Variants in ZNF804B observed in about 807,000 individuals in gnomAD.
ZNF804B encodes zinc finger 804B.
In ZNF804B, 80 loss-of-function variants were observed where a neutral mutation model predicts 101.4. The ratio of observed to expected loss-of-function variants is 0.79; its 90% CI spans 0.66 to 0.95. The LOEUF is 0.95. Among genes scored for constraint, ZNF804B ranks in the 40% least tolerant of loss-of-function variants. The pLI is 0.00. For synonymous variants in ZNF804B, 622 were observed against 558.8 expected, an observed-to-expected ratio of 1.11 and a Z score of -1.59; for missense variants, 1,673 against 1,561.9, an observed-to-expected ratio of 1.07 and a Z score of -1.20.
chr7:89,090,753 A>G (rs1312488039), intron 1 of ZNF804B, among the ~76,000 whole-genome samples: 1 of 152,040 alleles, frequency 6.6e-6, no homozygotes, highest in Non-Finnish European at 1.5e-5. Context: ...AAATACAAAA[A>G]TACTATTCTG....
At chr7:89,156,670 G>A (rs11978158) in intron 1 of ZNF804B, among the ~76,000 whole-genome samples, 25,669 of 151,892 alleles carry the variant, frequency 0.17, 2,239 homozygotes, top group Admixed American at 0.22. Flanking sequence ...ACTATCTCTG[G>A]AGCAATTTTT....
Position 89,335,590 on chromosome 7 carries a change from A to G in ZNF804B, c.2608A>G (p.Arg870Gly). 6.2e-7 allele frequency: 1 copy of G among 1,614,002 alleles called. No individual in the cohort carries two copies. The highest frequency in any genetic ancestry group is 8.5e-7 in the Non-Finnish European group (1 of 1,179,968). ...AATGTATTACTTGAATAAAAGCAAGAGAAATCAAGAGTCTTTGGGCAGCCC... is the reference window on the plus strand; with the variant it reads ...AATGTATTACTTGAATAAAAGCAAGGGAAATCAAGAGTCTTTGGGCAGCCC... ...EKMYYLNKSK[R>G]NQESLGSPHI... The change falls in exon 4 of 4, where the codon AGA becomes GGA. Residue 870 changes from arginine (R) to glycine (G), a missense_variant. Coordinates refer to ENST00000333190, the MANE Select transcript of ZNF804B (RefSeq NM_181646.5).
intron 2 of ZNF804B, among the ~76,000 whole-genome samples, chr7:89,267,725 C>G (rs1485269481): frequency 1.3e-5 from 2 of 152,048 alleles, no homozygotes; most frequent in East Asian, 3.9e-4. Flanking sequence ...GATGTTTTTG[C>G]TTTTTCATTT....
intron 2 of ZNF804B, among the ~76,000 whole-genome samples, chr7:89,230,504 G>A (rs1369406857): frequency 6.6e-6 from 1 of 152,134 alleles, no homozygotes; most frequent in East Asian, 1.9e-4. Flanking sequence ...ACACGATCCA[G>A]TTTCAAAAAG....
intron 1 of ZNF804B, among the ~76,000 whole-genome samples, chr7:89,134,412 T>C (rs1470056037): frequency 1.3e-5 from 2 of 152,100 alleles, no homozygotes; most frequent in Non-Finnish European, 2.9e-5. Flanking sequence ...CAATGACATA[T>C]CAACATCCCT....
Position 88,780,464 on chromosome 7 carries a change from T to G in ZNF804B, c.108+20380T>G, listed in dbSNP as rs1790208526. Among the ~76,000 whole-genome samples the G allele has an allele frequency of 4.1e-5, 6 of 147,180 alleles. No individual in the cohort carries two copies. The South Asian group carries it at 1.3e-3, about 32-fold the overall frequency. On this transcript the variant is annotated intron_variant, in intron 1 of 3. Coordinates refer to ENST00000333190, the MANE Select transcript of ZNF804B (RefSeq NM_181646.5). ...AGTGCAGTGGCATGAGCATGGCTCA[T>G]TGCAGCCTTGACCTCCCAGGACTCA...
At chr7:89,043,727 G>T (rs1789054740) in intron 1 of ZNF804B, among the ~76,000 whole-genome samples, 1 of 152,136 alleles carries the variant, frequency 6.6e-6, no homozygotes, top group Admixed American at 6.5e-5. Flanking sequence ...AAGCAATTAT[G>T]ATTCACTCTG....
At chr7:88,856,699 A>G (rs2115845205) in intron 1 of ZNF804B, among the ~76,000 whole-genome samples, 1 of 152,180 alleles carries the variant, frequency 6.6e-6, no homozygotes, top group Admixed American at 6.5e-5. Flanking sequence ...TTCAAAGGGA[A>G]TGCTTCCAGT....
intron 1 of ZNF804B, among the ~76,000 whole-genome samples, chr7:89,088,775 A>G (rs1465617937): frequency 6.6e-6 from 1 of 151,622 alleles, no homozygotes; most frequent in African/African-American, 2.4e-5. Flanking sequence ...CTGAGAGTTA[A>G]CACCTTGTGG....
chr7:89,248,332 G>GA (rs914047592), intron 2 of ZNF804B, among the ~76,000 whole-genome samples: 6 of 151,794 alleles, frequency 4.0e-5, no homozygotes, highest in African/African-American at 1.5e-4. Context: ...GAATGCTAAA[G>GA]AAAAAATCTT....
At chr7:89,020,919 A>T (rs931932766) in intron 1 of ZNF804B, among the ~76,000 whole-genome samples, 2 of 152,132 alleles carry the variant, frequency 1.3e-5, no homozygotes, top group Admixed American at 1.3e-4. Flanking sequence ...AATTTCCTTA[A>T]GATTATTATT....
At chr7:88,903,468 C>G (rs967862494) in intron 1 of ZNF804B, among the ~76,000 whole-genome samples, 2 of 151,946 alleles carry the variant, frequency 1.3e-5, no homozygotes, top group Admixed American at 1.3e-4. Context: ...GGGTATATAC[C>G]CAGTACTGGG....
intron 1 of ZNF804B, among the ~76,000 whole-genome samples, chr7:89,152,528 T>C (rs553934333): frequency 6.6e-6 from 1 of 152,218 alleles, no homozygotes; most frequent in Admixed American, 6.6e-5. Context: ...TCTGAACATA[T>C]GCAGAAAGAG....
rs555174704 is a variant in ZNF804B at position 89,111,230 on chromosome 7, C to T, written c.109-106925C>T. Among the ~76,000 whole-genome samples, 3 of 152,290 alleles carry T rather than the reference C, an allele frequency of 2.0e-5. No individual in the cohort carries two copies. The East Asian group carries it at 5.8e-4, about 29-fold the overall frequency. On this transcript the variant is annotated intron_variant, in intron 1 of 3. Coordinates refer to ENST00000333190, the MANE Select transcript of ZNF804B (RefSeq NM_181646.5). ...GTATGGACATAAAAGTATTTTTAAA[C>T]TCACCTGGACAAAGATCAAAGAATG...
chr7:89,169,874 C>T (rs913105268), intron 1 of ZNF804B, among the ~76,000 whole-genome samples: 10 of 152,062 alleles, frequency 6.6e-5, no homozygotes, highest in African/African-American at 2.4e-4. Flanking sequence ...GGATGGTATA[C>T]CTGTCACCTC....
At chr7:89,117,320 C>T (rs1790325654) in intron 1 of ZNF804B, among the ~76,000 whole-genome samples, 1 of 152,152 alleles carries the variant, frequency 6.6e-6, no homozygotes, top group African/African-American at 2.4e-5. Context: ...AGGTACCATG[C>T]ATCATGTATA....
intron 1 of ZNF804B, among the ~76,000 whole-genome samples, chr7:89,115,065 AG>A (rs1790287694): frequency 1.3e-5 from 2 of 152,176 alleles, no homozygotes; most frequent in African/African-American, 4.8e-5. Flanking sequence ...TGGAAAACAT[AG>A]TTAACAGGGC....
intron 1 of ZNF804B, among the ~76,000 whole-genome samples, chr7:89,093,722 C>T (rs746504158): frequency 2.8e-4 from 43 of 152,226 alleles, no homozygotes; most frequent in Admixed American, 3.3e-4. Flanking sequence ...GTCCATGTGT[C>T]TGAAGGAACT....
intron 1 of ZNF804B, among the ~76,000 whole-genome samples, chr7:89,202,647 A>G (rs927086867): frequency 6.6e-6 from 1 of 152,152 alleles, no homozygotes; most frequent in African/African-American, 2.4e-5. Flanking sequence ...CAAAAATTCT[A>G]TTCCTTAGAC....
Sources: gnomAD v4.1 joint callset for allele counts (sites outside exome capture counted in the v4.1 genomes callset) on GRCh38, gnomAD v4.1.1 for gene constraint, MANE v1.5 for transcripts, NCBI Gene and HGNC (gene_info 2026-07-23, HGNC 2026-07-21) for gene names.